The following PCDHA2 variants were observed in gnomAD, a reference collection of about 807,000 sequenced individuals.
PCDHA2 encodes the protein protocadherin alpha 2.
Under a neutral mutation model 66.0 loss-of-function variants are expected in PCDHA2, and 58 were observed. The observed-to-expected ratio is 0.88, with a 90% CI of 0.71 to 1.09. The LOEUF (loss-of-function observed/expected upper bound fraction) is 1.09, where lower values mean the gene tolerates loss of function less well. Among genes scored for constraint, PCDHA2 ranks in the 50% least tolerant of loss-of-function variants. The pLI is 0.00. For synonymous variants in PCDHA2, 634 were observed against 554.0 expected (o/e 1.14, Z -2.03); for missense variants, 1,267 against 1,242.3 (o/e 1.02, Z -0.30).
At chr5:140,807,880 A>G (rs1338912507) in intron 1 of PCDHA2, 2 of 1,614,152 alleles carry the variant, frequency 1.2e-6, no homozygotes, top group East Asian at 4.5e-5. Flanking sequence ...TACTCATCAC[A>G]GTACTGGATG....
chr5:140,925,124 A>AGGAAGGAAGGAAGGAAGGAAGGAAGG, intron 1 of PCDHA2, among the ~76,000 whole-genome samples: 1 of 151,856 alleles, frequency 6.6e-6, no homozygotes, highest in Non-Finnish European at 1.5e-5. Flanking sequence ...GAAGGAAGGA[A>AGGAAGGAAGGAAGGAAGGAAGGAAGG]AAAAAATTTC....
intron 1 of PCDHA2, chr5:140,851,333 T>C: frequency 5.1e-6 from 5 of 974,938 alleles, no homozygotes; most frequent in Non-Finnish European, 6.3e-6. Flanking sequence ...TTTGTAGTTC[T>C]CTACATTTCT....
chr5:140,973,134 C>T (rs999970948), intron 1 of PCDHA2, among the ~76,000 whole-genome samples: 6 of 152,182 alleles, frequency 3.9e-5, no homozygotes, highest in Admixed American at 6.5e-5. Flanking sequence ...AGTTTGCATT[C>T]ACTTTCACTT....
chr5:140,885,642 A>G (rs2060672494), intron 1 of PCDHA2, among the ~76,000 whole-genome samples: 1 of 152,170 alleles, frequency 6.6e-6, no homozygotes, highest in Non-Finnish European at 1.5e-5. Flanking sequence ...CCTTCCAAGT[A>G]TTTTGGAACC....
intron 1 of PCDHA2, chr5:140,808,333 T>C (rs782408081): frequency 1.2e-6 from 2 of 1,614,240 alleles, no homozygotes; most frequent in East Asian, 4.5e-5. Flanking sequence ...TGGGTGTCAA[T>C]GGGCTGGTCA....
chr5:140,849,632 A>G lies in PCDHA2; in HGVS notation c.2388+52280A>G, dbSNP rs2150443246. On this transcript the variant is annotated intron_variant, in intron 1 of 3. Transcript: ENST00000526136. ...TGATTAGTGTGATCGACCTAGACGCAGATGCCAACGGGCAGGTTACCTGCT... is the reference window on the plus strand; with the variant it reads ...TGATTAGTGTGATCGACCTAGACGCGGATGCCAACGGGCAGGTTACCTGCT... The G allele has an allele frequency of 2.5e-6, 4 of 1,598,772 alleles. No homozygotes were observed. In the South Asian group the frequency reaches 4.4e-5, roughly 18 times the overall value.
chr5:140,946,092 G>A (rs985293430), intron 1 of PCDHA2, among the ~76,000 whole-genome samples: 2 of 151,914 alleles, frequency 1.3e-5, no homozygotes, highest in Non-Finnish European at 2.9e-5. Flanking sequence ...CTGATAAGGA[G>A]TTAACATACC....
intron 1 of PCDHA2, among the ~76,000 whole-genome samples, chr5:140,878,826 C>G (rs1048428036): frequency 1.3e-5 from 2 of 152,182 alleles, no homozygotes; most frequent in Non-Finnish European, 2.9e-5. Flanking sequence ...CTATGTTGCA[C>G]AGGCTGGACT....
chr5:140,952,852 G>A (rs887887464), intron 1 of PCDHA2, among the ~76,000 whole-genome samples: 2 of 152,068 alleles, frequency 1.3e-5, no homozygotes, highest in Non-Finnish European at 2.9e-5. Context: ...TTGTCTTCTG[G>A]GGAGGCCTCA....
intron 1 of PCDHA2, chr5:140,836,663 T>A: frequency 3.1e-6 from 5 of 1,613,494 alleles, no homozygotes; most frequent in Middle Eastern, 1.7e-4. Context: ...GGGTGTGCTC[T>A]GGGGAGGGCC....
chr5:140,972,512 C>T (rs1586536091), intron 1 of PCDHA2, among the ~76,000 whole-genome samples: 1 of 152,018 alleles, frequency 6.6e-6, no homozygotes, highest in Non-Finnish European at 1.5e-5. Context: ...GATTTTACCC[C>T]CAGTGAGCTT....
chr5:140,982,784 C>T (rs568886944), intron 3 of PCDHA2, among the ~76,000 whole-genome samples: 9 of 151,444 alleles, frequency 5.9e-5, no homozygotes, highest in South Asian at 2.1e-4. Flanking sequence ...TGTGTGTGCA[C>T]GCATGTGTGC....
rs2150166927 is a variant in PCDHA2, at chr5:140,829,387, G to A, written c.2388+32035G>A. On this transcript the variant is annotated intron_variant, in intron 1 of 3. Coordinates refer to ENST00000526136, the MANE Select transcript of PCDHA2 (RefSeq NM_018905.3). ...TGGTAACCGCGCGGGACGGGGGCTC[G>A]CCTTCGCTGTGGGCCACCGCCAGCT... 10 of 1,614,054 alleles carry A rather than the reference G, an allele frequency of 6.2e-6. No individual in the cohort carries two copies. The Admixed American group carries it at 1.2e-4, about 19-fold the overall frequency.
intron 1 of PCDHA2, among the ~76,000 whole-genome samples, chr5:140,961,969 C>T (rs188846719): frequency 1.5e-4 from 23 of 151,904 alleles, no homozygotes; most frequent in African/African-American, 5.1e-4. Flanking sequence ...CTGCAACCTC[C>T]GCCTCCTGGG....
chr5:140,811,342 C>T (rs1455461723), intron 1 of PCDHA2: 1 of 152,156 alleles, frequency 6.6e-6, no homozygotes, highest in Admixed American at 6.5e-5. Flanking sequence ...ATGAACTCAC[C>T]CTTTTTTACG....
At chr5:140,801,924 G>C in intron 1 of PCDHA2, 1 of 1,614,206 alleles carries the variant, frequency 6.2e-7, no homozygotes, top group Non-Finnish European at 8.5e-7. Context: ...CCCAGCGTTT[G>C]AGAGGACGAT....
intron 1 of PCDHA2, chr5:140,867,456 T>C (rs1035822606): frequency 1.3e-5 from 2 of 152,154 alleles, no homozygotes; most frequent in African/African-American, 4.8e-5. Context: ...AGAGTTCTAG[T>C]GTTATGACAA....
intron 1 of PCDHA2, chr5:140,877,603 C>G: frequency 6.2e-7 from 1 of 1,613,858 alleles, no homozygotes; most frequent in Non-Finnish European, 8.5e-7. Flanking sequence ...GTCCAGCCTG[C>G]TGGTGCTCAC....
intron 1 of PCDHA2, among the ~76,000 whole-genome samples, chr5:140,898,428 A>G (rs1554187988): frequency 2.6e-5 from 4 of 152,132 alleles, no homozygotes; most frequent in Non-Finnish European, 5.9e-5. Flanking sequence ...TTTTCCCAGC[A>G]CCATTTATTA....
Sources: gnomAD v4.1 joint callset for allele counts (sites outside exome capture counted in the v4.1 genomes callset) on GRCh38, gnomAD v4.1.1 for gene constraint, MANE v1.5 for transcripts, NCBI Gene and HGNC (gene_info 2026-07-23, HGNC 2026-07-21) for gene names.